The following RNF145 variants were observed in gnomAD, a reference collection of about 807,000 sequenced individuals.
RNF145 encodes the protein ring finger protein 145.
Under a neutral mutation model 57.3 loss-of-function variants are expected in RNF145, and 12 were observed. That is an observed-to-expected ratio of 0.21 (90% CI 0.13 to 0.34). The LOEUF is 0.34. RNF145 is among the 10% of genes least tolerant of loss of function. RNF145 has a pLI of 1.00. For synonymous variants in RNF145, 262 were observed against 288.3 expected (o/e 0.91, Z 0.92); for missense variants, 429 against 799.0 (o/e 0.54, Z 5.58).
intron 3 of RNF145, among the ~76,000 whole-genome samples, chr5:159,184,866 C>T (rs1348650622): frequency 6.6e-6 from 1 of 152,050 alleles, no homozygotes; most frequent in Non-Finnish European, 1.5e-5. Context: ...TCTCTATACT[C>T]ATTACTTTGC....
intron 6 of RNF145, 67 bp downstream of exon 6, chr5:159,173,916 A>T: frequency 9.2e-7 from 1 of 1,088,020 alleles, no homozygotes; most frequent in Non-Finnish European, 1.3e-6. Flanking sequence ...TGCAAAACTT[A>T]CTATTCCTAG....
At chr5:159,166,129 G>C (rs1317358200) in intron 8 of RNF145, among the ~76,000 whole-genome samples, 2 of 151,982 alleles carry the variant, frequency 1.3e-5, no homozygotes, top group African/African-American at 2.4e-5. Flanking sequence ...CCTTCCTTTT[G>C]ATTGCATGTA....
intron 8 of RNF145, among the ~76,000 whole-genome samples, chr5:159,166,275 C>T (rs994674777): frequency 6.6e-6 from 1 of 152,110 alleles, no homozygotes; most frequent in Non-Finnish European, 1.5e-5. Context: ...TGTGTAGGAG[C>T]GATTCTTGAT....
At chr5:159,165,137 C>G (rs1350973370) in intron 8 of RNF145, among the ~76,000 whole-genome samples, 1 of 152,162 alleles carries the variant, frequency 6.6e-6, no homozygotes, top group Non-Finnish European at 1.5e-5. Flanking sequence ...ATCTAATTAA[C>G]TATTGTCAAT....
At chr5:159,208,001 GAC>G (rs1785960197) in intron 1 of RNF145, 4 of 1,546,732 alleles carry the variant, frequency 2.6e-6, no homozygotes, top group African/African-American at 1.4e-5. Flanking sequence ...AAAATAAAAA[GAC>G]ACACAGTCCT....
intron 8 of RNF145, 32 bp downstream of exon 8, chr5:159,168,841 G>A (rs1185406096): frequency 7.4e-7 from 1 of 1,356,978 alleles, no homozygotes; most frequent in Non-Finnish European, 9.8e-7. Context: ...TATTACATGA[G>A]TTAATTTAAA....
chr5:159,162,261 AT>A (rs1784241430), intron 9 of RNF145, among the ~76,000 whole-genome samples: 1 of 152,206 alleles, frequency 6.6e-6, no homozygotes, highest in Admixed American at 6.5e-5. Context: ...CACACTCCAA[AT>A]AAGCTCTAAC....
chr5:159,168,245 T>C (rs1261419302), intron 8 of RNF145, among the ~76,000 whole-genome samples: 5 of 152,170 alleles, frequency 3.3e-5, no homozygotes, highest in Admixed American at 3.3e-4. Flanking sequence ...TATATACTAC[T>C]ACTATGTATC....
chr5:159,203,379 A>G, intron 2 of RNF145, 55 bp downstream of exon 2: 1 of 1,221,902 alleles, frequency 8.2e-7, no homozygotes, highest in Non-Finnish European at 1.2e-6. Flanking sequence ...AAAGATACTA[A>G]GACATAAATC....
At chr5:159,198,014 A>G (rs567167609) in intron 2 of RNF145, among the ~76,000 whole-genome samples, 1 of 152,164 alleles carries the variant, frequency 6.6e-6, no homozygotes, top group Admixed American at 6.5e-5. Context: ...GCCAAAGCAG[A>G]AGATCACTTG....
chr5:159,170,221 A>G (rs1324008778), intron 6 of RNF145, among the ~76,000 whole-genome samples: 3 of 152,188 alleles, frequency 2.0e-5, no homozygotes, highest in African/African-American at 4.8e-5. Flanking sequence ...CTACATTATA[A>G]TATGAATACT....
intron 10 of RNF145, 129 bp downstream of exon 10, chr5:159,161,137 G>C (rs553990620): frequency 1.7e-6 from 1 of 600,474 alleles, no homozygotes; most frequent in Admixed American, 2.9e-5. Flanking sequence ...TATAATTTCT[G>C]AGGTCCATTT....
intron 2 of RNF145, among the ~76,000 whole-genome samples, chr5:159,200,480 T>C (rs1785624698): frequency 6.6e-6 from 1 of 152,186 alleles, no homozygotes; most frequent in Non-Finnish European, 1.5e-5. Flanking sequence ...ACTGTGTGGT[T>C]ATCTAGAAAA....
chr5:159,191,636 C>A (rs1259346216), intron 3 of RNF145, among the ~76,000 whole-genome samples: 1 of 151,860 alleles, frequency 6.6e-6, no homozygotes, highest in African/African-American at 2.4e-5. Context: ...ACTAAAAATA[C>A]AAAAAATTAG....
intron 3 of RNF145, among the ~76,000 whole-genome samples, chr5:159,188,106 G>C (rs1785146280): frequency 6.6e-6 from 1 of 152,182 alleles, no homozygotes; most frequent in Admixed American, 6.5e-5. Flanking sequence ...CACTGGGCCA[G>C]GCACAGTGGC....
At chr5:159,173,306 C>T (rs1329288822) in intron 6 of RNF145, among the ~76,000 whole-genome samples, 1 of 152,072 alleles carries the variant, frequency 6.6e-6, no homozygotes, top group Non-Finnish European at 1.5e-5. Context: ...TAGCCCAAGA[C>T]AATTCTTCTT....
chr5:159,166,428 G>C (rs538610134), intron 8 of RNF145, among the ~76,000 whole-genome samples: 1 of 152,232 alleles, frequency 6.6e-6, no homozygotes, highest in East Asian at 1.9e-4. Context: ...TCCACAGTCA[G>C]TTCTGTCAGT....
At chr5:159,201,022 T>C (rs1043891254) in intron 2 of RNF145, among the ~76,000 whole-genome samples, 1 of 152,190 alleles carries the variant, frequency 6.6e-6, no homozygotes, top group East Asian at 1.9e-4. Context: ...AGGTACAAAA[T>C]AGTAAAACCC....
chr5:159,174,441 C>T (rs778350263), intron 5 of RNF145, among the ~76,000 whole-genome samples: 10 of 152,028 alleles, frequency 6.6e-5, no homozygotes, highest in Admixed American at 5.2e-4. Context: ...ATATTCAGTA[C>T]AAAATAACCT....
Sources: allele counts gnomAD v4.1 joint callset (sites outside exome capture counted in the v4.1 genomes callset), GRCh38; gene constraint gnomAD v4.1.1; transcripts MANE v1.5; gene names NCBI Gene and HGNC (gene_info 2026-07-23, HGNC 2026-07-21).